The following CDKN2B-AS1 variants were observed in gnomAD, a reference collection of about 807,000 sequenced individuals.
The protein encoded by CDKN2B-AS1 is CDKN2B antisense RNA 1 (non-protein coding).
intron 4 of CDKN2B-AS1, among the ~76,000 whole-genome samples, chr9:22,091,289 A>T (rs558221964): frequency 1.2e-3 from 179 of 152,340 alleles, no homozygotes; most frequent in Middle Eastern, 3.4e-3. Flanking sequence ...CTTTTGGCTT[A>T]GGATTGACTT....
At chr9:22,011,053 A>G (rs1301689656) in intron 1 of CDKN2B-AS1, among the ~76,000 whole-genome samples, 1 of 152,226 alleles carries the variant, frequency 6.6e-6, no homozygotes, top group African/African-American at 2.4e-5. Flanking sequence ...GACTGAATGA[A>G]AAACAACTTT....
intron 1 of CDKN2B-AS1, among the ~76,000 whole-genome samples, chr9:22,013,639 G>C (rs574641400): frequency 4.1e-4 from 62 of 152,232 alleles, no homozygotes; most frequent in Middle Eastern, 3.4e-3. Flanking sequence ...TTTTTGAAGA[G>C]ATGAAGTCTT....
intron 1 of CDKN2B-AS1, chr9:22,004,150 G>A (rs1165805752): frequency 8.6e-6 from 2 of 232,286 alleles, no homozygotes; most frequent in Non-Finnish European, 1.7e-5. Flanking sequence ...CAGATTATGT[G>A]TCAATAAACA....
chr9:22,060,013 C>T (rs1823747592), intron 4 of CDKN2B-AS1, among the ~76,000 whole-genome samples: 1 of 152,148 alleles, frequency 6.6e-6, no homozygotes, highest in African/African-American at 2.4e-5. Context: ...ACCACTTTTT[C>T]CTCTTGGGCC....
At chr9:22,059,431 G>T (rs1175032113) in intron 4 of CDKN2B-AS1, among the ~76,000 whole-genome samples, 1 of 152,188 alleles carries the variant, frequency 6.6e-6, no homozygotes, top group Non-Finnish European at 1.5e-5. Flanking sequence ...GTGACTCCAG[G>T]TCTCATATCC....
chr9:22,091,383 T>A (rs1368545687), intron 4 of CDKN2B-AS1, among the ~76,000 whole-genome samples: 1 of 152,212 alleles, frequency 6.6e-6, no homozygotes, highest in Non-Finnish European at 1.5e-5. Flanking sequence ...GGTAGCTTGA[T>A]GGGGATTGCA....
chr9:22,019,187 T>C (rs1040395633), intron 1 of CDKN2B-AS1, among the ~76,000 whole-genome samples: 2 of 152,206 alleles, frequency 1.3e-5, no homozygotes, highest in Non-Finnish European at 2.9e-5. Context: ...GTATAGGCCA[T>C]GTTAGGACTT....
intron 4 of CDKN2B-AS1, among the ~76,000 whole-genome samples, chr9:22,105,152 G>T (rs1825614799): frequency 1.3e-5 from 2 of 152,138 alleles, no homozygotes; most frequent in Admixed American, 6.6e-5. Context: ...GTTAAATGAG[G>T]GTATGTGTAT....
intron 4 of CDKN2B-AS1, among the ~76,000 whole-genome samples, chr9:22,101,972 T>G (rs997057697): frequency 6.6e-6 from 1 of 152,156 alleles, no homozygotes; most frequent in Non-Finnish European, 1.5e-5. Context: ...ATCCGTTAGC[T>G]CCAGAGACTG....
At chr9:22,078,781 C>T (rs1341311701) in intron 4 of CDKN2B-AS1, among the ~76,000 whole-genome samples, 1 of 152,228 alleles carries the variant, frequency 6.6e-6, no homozygotes, top group Non-Finnish European at 1.5e-5. Context: ...TACATCTTCT[C>T]ACTCTGTAAA....
In CDKN2B-AS1 at chr9:22,001,460, C is replaced by A. The variant is rs1244942256; in HGVS notation, n.29+6299C>A. 2.0e-5 allele frequency among the ~76,000 whole-genome samples: 3 copies of A among 152,088 alleles called. No homozygotes were observed. The highest frequency in any genetic ancestry group is 2.9e-5 in the Non-Finnish European group (2 of 67,962). ...TGTTCTTAGTTCTTTTTCCAGCAAA[C>A]TCTTTTGTTTTACATTTAGTTCACA... On this transcript the variant is annotated intron_variant and non_coding_transcript_variant, in intron 1 of 4. Coordinates refer to ENST00000650946, the Ensembl canonical transcript of CDKN2B-AS1. This position sits in a 1 kb window ranked among gnomAD's most constrained non-coding sequence, Gnocchi z 4.2.
At position 22,005,899 on chromosome 9, in the gene CDKN2B-AS1, C is replaced by G. The variant is rs1014622569; in HGVS notation, n.29+10738C>G. The G allele has an allele frequency of 3.9e-6, 6 of 1,527,968 alleles. No individual in the cohort carries two copies. The highest frequency in any genetic ancestry group is 1.9e-5 in the Admixed American group (1 of 53,544). 94.7% of individuals were successfully genotyped at this position (1,527,968 alleles called of 1,614,324 possible). A position where few individuals can be genotyped will look rare whatever the true frequency, so the allele number is the denominator to read the frequency against. On this transcript the variant is annotated intron_variant and non_coding_transcript_variant, in intron 1 of 4. Coordinates refer to ENST00000650946, the Ensembl canonical transcript of CDKN2B-AS1. The surrounding 1 kb of genome is among the most constrained non-coding windows in gnomAD (Gnocchi z 4.9). ...GGCTTACAGGCTTTCCGCCGCTCCC[C>G]GTTGGCAGCCTTCATCGAATTAGGT...
At chr9:22,091,058 T>C (rs1281804370) in intron 4 of CDKN2B-AS1, among the ~76,000 whole-genome samples, 1 of 152,216 alleles carries the variant, frequency 6.6e-6, no homozygotes, top group Admixed American at 6.5e-5. Flanking sequence ...TAGCCAGTTT[T>C]CCCAGCACCA....
intron 4 of CDKN2B-AS1, among the ~76,000 whole-genome samples, chr9:22,063,328 C>T (rs1823902059): frequency 6.6e-6 from 1 of 152,070 alleles, no homozygotes; most frequent in Non-Finnish European, 1.5e-5. Context: ...TTTACTCTTA[C>T]CTCTTGAGAC....
In CDKN2B-AS1 at chr9:22,016,650, T is replaced by C. The variant is rs528080486; in HGVS notation, n.29+21489T>C. Among the ~76,000 whole-genome samples the C allele has an allele frequency of 7.9e-5, 12 of 152,202 alleles. 1 individual carries two copies. In the South Asian group the frequency reaches 2.5e-3, roughly 32 times the overall value. ...GCCCTCAGAAATAACACCGCATATCTACAACTATCTGATCTTTGACAAACC... is the reference window on the plus strand; with the variant it reads ...GCCCTCAGAAATAACACCGCATATCCACAACTATCTGATCTTTGACAAACC... On this transcript the variant is annotated intron_variant and non_coding_transcript_variant, in intron 1 of 4. Coordinates refer to ENST00000650946, the Ensembl canonical transcript of CDKN2B-AS1.
At chr9:22,036,299 C>T (rs1021827762) in intron 1 of CDKN2B-AS1, among the ~76,000 whole-genome samples, 18 of 152,048 alleles carry the variant, frequency 1.2e-4, no homozygotes, top group Non-Finnish European at 2.5e-4. Flanking sequence ...CTAAAACAAC[C>T]AGTAGTGCTT....
intron 3 of CDKN2B-AS1, among the ~76,000 whole-genome samples, chr9:22,049,990 A>G (rs994158640): frequency 6.6e-6 from 1 of 152,174 alleles, no homozygotes; most frequent in Non-Finnish European, 1.5e-5. Context: ...CAATTTAGAC[A>G]TTGCCTTTTT....
chr9:22,036,019 A>T (rs1822673666), intron 1 of CDKN2B-AS1, among the ~76,000 whole-genome samples: 1 of 152,106 alleles, frequency 6.6e-6, no homozygotes, highest in Non-Finnish European at 1.5e-5. Flanking sequence ...ATTGGAAGGG[A>T]TGATCAGTCC....
chr9:22,050,297 C>G (rs1038755205), intron 3 of CDKN2B-AS1, among the ~76,000 whole-genome samples: 3 of 152,172 alleles, frequency 2.0e-5, no homozygotes, highest in Non-Finnish European at 4.4e-5. Context: ...AGAAAAGCAG[C>G]CTGGCTTGGC....
Sources: gnomAD v4.1 joint callset for allele counts (sites outside exome capture counted in the v4.1 genomes callset) on GRCh38, gnomAD v4.1.1 for gene constraint, Gnocchi (gnomAD v3.1) non-coding constraint, MANE v1.5 for transcripts, NCBI Gene and HGNC (gene_info 2026-07-23, HGNC 2026-07-21) for gene names.